Variants in WASF3 observed in about 807,000 individuals in gnomAD.
The protein encoded by WASF3 is actin-binding protein WASF3.
In WASF3, 11 loss-of-function variants were observed where a neutral mutation model predicts 46.6. The ratio of observed to expected loss-of-function variants is 0.24; its 90% CI spans 0.15 to 0.39. The LOEUF (loss-of-function observed/expected upper bound fraction) is 0.39. Ranked by LOEUF, WASF3 falls within the 10% of genes least tolerant of loss-of-function variation. The pLI is 1.00. For missense variants in WASF3, 576 were observed against 669.8 expected (o/e 0.86, Z 1.55); for synonymous variants, 242 against 259.7 (o/e 0.93, Z 0.65).
At chr13:26,576,208 C>T (rs1485837977) in intron 1 of WASF3, among the ~76,000 whole-genome samples, 1 of 152,030 alleles carries the variant, frequency 6.6e-6, no homozygotes, top group Non-Finnish European at 1.5e-5. Context: ...CCTCAATGCC[C>T]TTTGTAAAAT....
At chr13:26,584,938 A>G (rs931710598) in intron 1 of WASF3, among the ~76,000 whole-genome samples, 1 of 152,214 alleles carries the variant, frequency 6.6e-6, no homozygotes, top group East Asian at 1.9e-4. Context: ...ACTCATGCTA[A>G]CTAAATAGTT....
At chr13:26,659,015 G>A (rs1272308384) in intron 3 of WASF3, among the ~76,000 whole-genome samples, 1 of 152,238 alleles carries the variant, frequency 6.6e-6, no homozygotes, top group Non-Finnish European at 1.5e-5. Flanking sequence ...ATATGTTCTA[G>A]TGGTGGGAGA....
intron 7 of WASF3, 63 bp from the exon 8 acceptor site, chr13:26,680,991 C>T (rs1314086490): frequency 1.9e-6 from 3 of 1,546,094 alleles, no homozygotes; most frequent in East Asian, 2.3e-5. Flanking sequence ...CATCCATGTG[C>T]CTGTTAGCCG....
chr13:26,635,808 A>G (rs994546681), intron 2 of WASF3, among the ~76,000 whole-genome samples: 1 of 152,230 alleles, frequency 6.6e-6, no homozygotes, highest in African/African-American at 2.4e-5. Context: ...TTGCCTAGGT[A>G]TCACCAGCGG....
chr13:26,666,255 T>C (rs1882767688), intron 4 of WASF3, among the ~76,000 whole-genome samples: 1 of 152,226 alleles, frequency 6.6e-6, no homozygotes, highest in Non-Finnish European at 1.5e-5. Context: ...CATTCACGTT[T>C]TAAATTAGCT....
At chr13:26,663,821 C>G (rs192477259) in intron 3 of WASF3, among the ~76,000 whole-genome samples, 2 of 152,154 alleles carry the variant, frequency 1.3e-5, no homozygotes, top group African/African-American at 4.8e-5. Flanking sequence ...CCAAGGGAGT[C>G]CAGGGAGCTA....
intron 2 of WASF3, among the ~76,000 whole-genome samples, chr13:26,635,392 C>A (rs1881787228): frequency 1.3e-5 from 2 of 152,080 alleles, no homozygotes; most frequent in African/African-American, 4.8e-5. Context: ...TTCGTCTAAC[C>A]TTTTTTCAAG....
At chr13:26,577,461 T>C (rs1879835457) in intron 1 of WASF3, 2 of 883,456 alleles carry the variant, frequency 2.3e-6, no homozygotes, top group South Asian at 1.3e-5. Context: ...CCAGACAGCA[T>C]TGGAAAAGAC....
intron 1 of WASF3, among the ~76,000 whole-genome samples, chr13:26,612,572 T>C (rs1881010903): frequency 6.6e-6 from 1 of 152,248 alleles, no homozygotes; most frequent in South Asian, 2.1e-4. Flanking sequence ...AATGCTCTTA[T>C]TAGCTACAGT....
intron 1 of WASF3, among the ~76,000 whole-genome samples, chr13:26,596,333 C>CTT (rs966688695): frequency 1.4e-5 from 2 of 143,870 alleles, no homozygotes; most frequent in South Asian, 4.4e-4. Flanking sequence ...GGATTGTTTA[C>CTT]TTTTTTTTTT....
At chr13:26,631,741 G>A (rs1881657474) in intron 2 of WASF3, among the ~76,000 whole-genome samples, 1 of 152,150 alleles carries the variant, frequency 6.6e-6, no homozygotes, top group Admixed American at 6.5e-5. Flanking sequence ...GGATGGCATT[G>A]AATCTATAAA....
chr13:26,605,625 A>T (rs1188368455), intron 1 of WASF3, among the ~76,000 whole-genome samples: 3 of 152,162 alleles, frequency 2.0e-5, no homozygotes, highest in Non-Finnish European at 2.9e-5. Flanking sequence ...TGAAGAATGG[A>T]ATTAGGGATC....
chr13:26,680,292 G>A lies in WASF3; in HGVS notation c.717-762G>A, dbSNP rs556789197. 2.8e-6 allele frequency: 4 copies of A among 1,409,674 alleles called. No homozygotes were observed. In the East Asian group the frequency reaches 7.2e-5, roughly 25 times the overall value. 87.3% of individuals were successfully genotyped at this position (1,409,674 alleles called of 1,614,324 possible). On this transcript the variant is annotated intron_variant, in intron 7 of 9. Transcript: ENST00000335327. ...GATGTACAGCCCCTCCTGGCCACAT[G>A]TCCTGTAACCTGAGCCAGGAGCGTG...
the WASF3 span, among the ~76,000 whole-genome samples, chr13:26,542,152 T>C: frequency 6.6e-6 from 1 of 152,254 alleles, no homozygotes; most frequent in Non-Finnish European, 1.5e-5. Flanking sequence ...ATATTTACTT[T>C]ATTACTTCAC....
upstream of WASF3, among the ~76,000 whole-genome samples, chr13:26,555,339 C>A (rs1879074801): frequency 6.6e-6 from 1 of 152,092 alleles, no homozygotes; most frequent in Admixed American, 6.5e-5. Context: ...TTCATTTATT[C>A]AGCAACTACA....
chr13:26,548,683 T>G, the WASF3 span, among the ~76,000 whole-genome samples: 1 of 152,196 alleles, frequency 6.6e-6, no homozygotes, highest in Non-Finnish European at 1.5e-5. Context: ...AGCAAGATAT[T>G]CATGACCCTA....
chr13:26,680,331 A>G (rs9512329), intron 7 of WASF3: 6 of 1,124,098 alleles, frequency 5.3e-6, no homozygotes, highest in African/African-American at 1.6e-5. Context: ...CTGTCTTACT[A>G]ACGCCCACGG....
chr13:26,597,518 C>T (rs956036448), intron 1 of WASF3, among the ~76,000 whole-genome samples: 4 of 151,836 alleles, frequency 2.6e-5, no homozygotes, highest in Non-Finnish European at 5.9e-5. Flanking sequence ...TTTTAGGGTA[C>T]ATGTGCACAA....
At chr13:26,578,993 C>CTTTTTTTTTTTTTTTTTTTTTTTATTTTT in intron 1 of WASF3, among the ~76,000 whole-genome samples, 1 of 60,638 alleles carries the variant, frequency 1.6e-5, no homozygotes, top group Non-Finnish European at 2.8e-5. Flanking sequence ...GATACATTTC[C>CTTTTTTTTTTTTTTTTTTTTTTTATTTTT]TTTTTTTTTT....
Sources: allele counts gnomAD v4.1 joint callset (sites outside exome capture counted in the v4.1 genomes callset), GRCh38; gene constraint gnomAD v4.1.1; transcripts MANE v1.5; gene names NCBI Gene and HGNC (gene_info 2026-07-23, HGNC 2026-07-21).